BCKDHB: variants seen among roughly 807,000 people sequenced by gnomAD.
BCKDHB encodes branched chain keto acid dehydrogenase E1 subunit beta.
BCKDHB carries 41 observed loss-of-function variants against 48.5 expected under a neutral mutation model. That is an observed-to-expected ratio of 0.85 (90% CI 0.66 to 1.10). BCKDHB has a LOEUF of 1.10. Among genes scored for constraint, BCKDHB ranks in the 50% least tolerant of loss-of-function variants. The probability of loss-of-function intolerance (pLI) is 0.00; values close to 1 mark genes in which losing one functional copy is unlikely to be tolerated. For missense variants in BCKDHB, 496 were observed against 494.2 expected (o/e 1.00, Z -0.03); for synonymous variants, 201 against 174.8 (o/e 1.15, Z -1.18).
At chr6:80,195,363 T>C (rs1357319220) in intron 6 of BCKDHB, among the ~76,000 whole-genome samples, 1 of 152,168 alleles carries the variant, frequency 6.6e-6, no homozygotes, top group East Asian at 1.9e-4. Context: ...CTTGTTCATA[T>C]ATTCTTTCTT....
In BCKDHB at chr6:80,106,757, C is replaced by T; in HGVS notation, c.64C>T (p.His22Tyr). Residue 22 changes from histidine (H) to tyrosine (Y), a missense_variant, in exon 1 of 10, where the codon CAC becomes TAC. By Grantham distance (83) the His-to-Tyr change is moderately conservative (BLOSUM62 2). Transcript: ENST00000320393. ...GCTCAGGGCGGCAGGGGCTGAGGGGCACTGGCGTCGGCTTCCTGGCGCGGG... is the reference window on the plus strand; with the variant it reads ...GCTCAGGGCGGCAGGGGCTGAGGGGTACTGGCGTCGGCTTCCTGGCGCGGG... ...LRLRAAGAEGHWRRLPGAGLA... is the reference protein window; with the variant it reads ...LRLRAAGAEGYWRRLPGAGLA... The T allele has an allele frequency of 6.3e-7, 1 of 1,575,682 alleles. No individual in the cohort carries two copies. Among genetic ancestry groups the T allele is most frequent in the Non-Finnish European group, 8.6e-7 (1 of 1,161,924 alleles).
chr6:80,141,466 G>C (rs1771209090), intron 3 of BCKDHB, among the ~76,000 whole-genome samples: 1 of 152,048 alleles, frequency 6.6e-6, no homozygotes. Flanking sequence ...TGTAACCATT[G>C]TTTTCAATTT....
chr6:80,434,711 C>A, the BCKDHB span, among the ~76,000 whole-genome samples: 2 of 152,124 alleles, frequency 1.3e-5, no homozygotes, highest in African/African-American at 4.8e-5. Context: ...TAATTTCATT[C>A]TGCTCCTAAG....
At chr6:80,285,226 C>G (rs1368034117) in intron 9 of BCKDHB, among the ~76,000 whole-genome samples, 1 of 152,138 alleles carries the variant, frequency 6.6e-6, no homozygotes, top group South Asian at 2.1e-4. Flanking sequence ...ATTCCAACAT[C>G]GCACAATTCT....
chr6:80,324,105 C>A (rs1289144284), intron 9 of BCKDHB, among the ~76,000 whole-genome samples: 1 of 152,130 alleles, frequency 6.6e-6, no homozygotes, highest in Non-Finnish European at 1.5e-5. Flanking sequence ...GACTTTCCCC[C>A]ACCCTTTCAT....
chr6:80,296,696 G>T (rs1467041422), intron 9 of BCKDHB, among the ~76,000 whole-genome samples: 3 of 151,594 alleles, frequency 2.0e-5, no homozygotes, highest in Non-Finnish European at 2.9e-5. Flanking sequence ...AAAACCTGTT[G>T]TGCTTTTATT....
At chr6:80,451,810 A>G in the BCKDHB span, among the ~76,000 whole-genome samples, 13 of 152,198 alleles carry the variant, frequency 8.5e-5, no homozygotes, top group East Asian at 2.5e-3. Flanking sequence ...CCATTTAGAC[A>G]AGGTCCTGGG....
chr6:80,427,973 C>T, the BCKDHB span, among the ~76,000 whole-genome samples: 1,098 of 151,976 alleles, frequency 7.2e-3, 7 homozygotes, highest in Non-Finnish European at 0.01. Context: ...GGGTGGTTTG[C>T]TGCACCGTCA....
intron 9 of BCKDHB, among the ~76,000 whole-genome samples, chr6:80,298,837 GTTCAGT>G (rs1562213040): frequency 6.6e-6 from 1 of 152,186 alleles, no homozygotes; most frequent in African/African-American, 2.4e-5. Flanking sequence ...TGAATCAGAA[GTTCAGT>G]CTGCTGTTTG....
intron 8 of BCKDHB, among the ~76,000 whole-genome samples, chr6:80,267,317 G>A (rs1777554426): frequency 6.6e-6 from 1 of 151,968 alleles, no homozygotes; most frequent in Non-Finnish European, 1.5e-5. Context: ...TTGTAACCTG[G>A]TTTTAGGTTT....
At chr6:80,168,172 G>T (rs1390891492) in intron 4 of BCKDHB, among the ~76,000 whole-genome samples, 2 of 152,012 alleles carry the variant, frequency 1.3e-5, no homozygotes, top group Non-Finnish European at 2.9e-5. Context: ...TGTCATCCCA[G>T]TTACTCTGGT....
At chr6:80,135,772 A>C (rs1161932982) in intron 3 of BCKDHB, 1 of 152,214 alleles carries the variant, frequency 6.6e-6, no homozygotes, top group Non-Finnish European at 1.5e-5. Flanking sequence ...ATCCATCACC[A>C]GAACTTTTTT....
Position 80,157,438 on chromosome 6 carries a change from A to G in BCKDHB, c.344-10240A>G, listed in dbSNP as rs116146188. 9.3e-3 allele frequency among the ~76,000 whole-genome samples: 1,380 copies of G among 148,782 alleles called. 30 individuals carry two copies. The highest frequency in any genetic ancestry group is 0.032 in the African/African-American group (1,311 of 40,748). On this transcript the variant is annotated intron_variant, in intron 3 of 9. Coordinates refer to ENST00000320393, the MANE Select transcript of BCKDHB (RefSeq NM_183050.4). ...CTATGTACAAGGGATTGTTCTAGGCACTGGAGATTATTGGGTGAGAATTTT... is the reference window on the plus strand; with the variant it reads ...CTATGTACAAGGGATTGTTCTAGGCGCTGGAGATTATTGGGTGAGAATTTT...
intron 6 of BCKDHB, among the ~76,000 whole-genome samples, chr6:80,174,993 A>G (rs1240823485): frequency 2.0e-5 from 3 of 152,254 alleles, no homozygotes; most frequent in Admixed American, 1.3e-4. Context: ...TTATGCTAAT[A>G]TAAGGCCTCA....
chr6:80,451,217 A>G, the BCKDHB span, among the ~76,000 whole-genome samples: 2 of 152,204 alleles, frequency 1.3e-5, no homozygotes, highest in Non-Finnish European at 2.9e-5. Context: ...TGGTCTCATT[A>G]TATTTGGCCT....
At chr6:80,238,253 A>G (rs1008763733) in intron 8 of BCKDHB, among the ~76,000 whole-genome samples, 12 of 152,140 alleles carry the variant, frequency 7.9e-5, no homozygotes, top group African/African-American at 2.9e-4. Flanking sequence ...GCATGCCACC[A>G]CACCCGGCTA....
chr6:80,455,185 G>T, the BCKDHB span, among the ~76,000 whole-genome samples: 1 of 152,052 alleles, frequency 6.6e-6, no homozygotes, highest in Non-Finnish European at 1.5e-5. Context: ...GAAGTGTAGA[G>T]ATGTAAAGAT....
At chr6:80,408,028 A>G in the BCKDHB span, among the ~76,000 whole-genome samples, 1 of 152,152 alleles carries the variant, frequency 6.6e-6, no homozygotes, top group Non-Finnish European at 1.5e-5. Context: ...GCTACATTCC[A>G]TCGACACCTA....
rs398124599 is a variant in BCKDHB at position 80,203,144 on chromosome 6, CT to C, written c.885del (p.Gly296GlufsTer9). 1.7e-5 allele frequency: 27 copies of C among 1,612,898 alleles called. No individual in the cohort carries two copies. Among genetic ancestry groups the C allele is most frequent in the Non-Finnish European group, 2.2e-5 (26 of 1,179,246 alleles). ...GGTAGCTTCCATGGCAAAAGAAAAG[CT>C]TGGAGTGTCTTGTGAAGTCATTGAT... ...REVASMAKEKLGVSCEVIDLR... is the reference protein window; with the variant it reads ...REVASMAKEKXGVSCEVIDLR... On this transcript the variant is annotated frameshift_variant, in exon 8 of 10. Coordinates refer to ENST00000320393, the MANE Select transcript of BCKDHB (RefSeq NM_183050.4). LOFTEE classifies it high-confidence loss of function.
Sources: gnomAD v4.1 joint callset for allele counts (sites outside exome capture counted in the v4.1 genomes callset) on GRCh38, gnomAD v4.1.1 for gene constraint, MANE v1.5 for transcripts, NCBI Gene and HGNC (gene_info 2026-07-23, HGNC 2026-07-21) for gene names.